The following PDE4D variants were observed in gnomAD, a reference collection of about 807,000 sequenced individuals.
The protein encoded by PDE4D is phosphodiesterase 4D.
Under a neutral mutation model 87.4 loss-of-function variants are expected in PDE4D, and 24 were observed. That is an observed-to-expected ratio of 0.27 (90% confidence interval 0.20 to 0.39). PDE4D has a LOEUF of 0.39. PDE4D is among the 10% of genes least tolerant of loss of function. PDE4D has a pLI of 1.00. For missense variants in PDE4D, 714 were observed against 1,041.0 expected, an observed-to-expected ratio of 0.69 and a Z score of 4.32; for synonymous variants, 384 against 383.2, an observed-to-expected ratio of 1.00 and a Z score of -0.02.
At chr5:60,003,738 A>G (rs1419672614) in intron 2 of PDE4D, among the ~76,000 whole-genome samples, 1 of 151,528 alleles carries the variant, frequency 6.6e-6, no homozygotes, top group Non-Finnish European at 1.5e-5. Flanking sequence ...GAAGAAGAAG[A>G]AGAACAAAGT....
chr5:59,239,381 T>C (rs541145975), intron 1 of PDE4D, among the ~76,000 whole-genome samples: 6 of 152,262 alleles, frequency 3.9e-5, no homozygotes, highest in Admixed American at 3.9e-4. Flanking sequence ...TTAGAGCTGA[T>C]ATACAAGAAC....
intron 1 of PDE4D, chr5:60,521,473 GAA>G (rs1751036901): frequency 6.6e-6 from 1 of 152,064 alleles, no homozygotes; most frequent in South Asian, 2.1e-4. Flanking sequence ...ATGGTACTGG[GAA>G]AAAGAGATCT....
upstream of PDE4D, chr5:59,893,790 A>G: frequency 7.5e-7 from 1 of 1,332,424 alleles, no homozygotes. Context: ...GGCTACCGAG[A>G]GGGGGCCCTG....
intron 5 of PDE4D, among the ~76,000 whole-genome samples, chr5:59,074,574 A>G (rs748705715): frequency 6.6e-6 from 1 of 152,168 alleles, no homozygotes; most frequent in Non-Finnish European, 1.5e-5. Context: ...CCTGGCCAAC[A>G]TGGTGAAACC....
At chr5:59,126,830 G>A (rs549476440) in intron 5 of PDE4D, among the ~76,000 whole-genome samples, 183 of 152,226 alleles carry the variant, frequency 1.2e-3, no homozygotes, top group African/African-American at 4.0e-3. Context: ...CATTAATGCC[G>A]TAAAATAAAG....
intron 1 of PDE4D, among the ~76,000 whole-genome samples, chr5:59,649,904 C>CTTGTTTTTTTTTTTTTTTTTTTT (rs1561402852): frequency 4.1e-5 from 3 of 73,976 alleles, no homozygotes; most frequent in African/African-American, 1.6e-4. Context: ...AGTTTGTGAA[C>CTTGTTTTTTTTTTTTTTTTTTTT]CTTTTTTTTT....
intron 5 of PDE4D, among the ~76,000 whole-genome samples, chr5:59,049,114 G>A (rs1761151326): frequency 6.6e-6 from 1 of 152,044 alleles, no homozygotes; most frequent in African/African-American, 2.4e-5. Context: ...ATCCAAGACT[G>A]CCCATCTTAG....
chr5:59,713,434 G>A (rs539989960), intron 1 of PDE4D, among the ~76,000 whole-genome samples: 18 of 152,220 alleles, frequency 1.2e-4, no homozygotes, highest in East Asian at 3.9e-4. Flanking sequence ...TATAACTACC[G>A]GACTGACACT....
chr5:60,207,734 C>T (rs1742715797), intron 1 of PDE4D, among the ~76,000 whole-genome samples: 1 of 152,138 alleles, frequency 6.6e-6, no homozygotes, highest in Admixed American at 6.5e-5. Flanking sequence ...AAATGAGATT[C>T]TGAGATTTAG....
intron 1 of PDE4D, among the ~76,000 whole-genome samples, chr5:59,705,738 C>T (rs1393407041): frequency 6.6e-6 from 1 of 152,132 alleles, no homozygotes; most frequent in Non-Finnish European, 1.5e-5. Flanking sequence ...GTACACAGCA[C>T]CCTATACATG....
Position 59,265,466 on chromosome 5 carries a change from T to C in PDE4D, c.456-49498A>G, listed in dbSNP as rs536512011. Among the ~76,000 whole-genome samples the C allele has an allele frequency of 3.3e-5, 5 of 152,148 alleles. No homozygotes were observed. In the South Asian group the frequency reaches 1.0e-3, roughly 32 times the overall value. On this transcript the variant is annotated intron_variant, in intron 1 of 14. Transcript: ENST00000340635. ...CTGACTGTGTTAAAAAAGACTACCTTATGGAAAAGAAACCCTTACAAAATG... is the reference window on the plus strand; with the variant it reads ...CTGACTGTGTTAAAAAAGACTACCTCATGGAAAAGAAACCCTTACAAAATG...
At chr5:60,033,678 G>T (rs996021991) in intron 2 of PDE4D, among the ~76,000 whole-genome samples, 1 of 152,180 alleles carries the variant, frequency 6.6e-6, no homozygotes, top group Non-Finnish European at 1.5e-5. Flanking sequence ...AGGATTTAGA[G>T]ATTCTACCCA....
At chr5:59,356,674 G>T in intron 1 of PDE4D, 1 of 1,084,316 alleles carries the variant, frequency 9.2e-7, no homozygotes, top group Non-Finnish European at 1.3e-6. Flanking sequence ...GAGTTAGAAG[G>T]TCAACATAGG....
At chr5:59,546,326 G>A (rs900160383) in intron 1 of PDE4D, among the ~76,000 whole-genome samples, 1 of 151,970 alleles carries the variant, frequency 6.6e-6, no homozygotes, top group African/African-American at 2.4e-5. Flanking sequence ...AGTGCGTTGC[G>A]CTCATCAAAA....
chr5:59,330,537 C>T (rs957460278), intron 1 of PDE4D, among the ~76,000 whole-genome samples: 1 of 152,170 alleles, frequency 6.6e-6, no homozygotes, highest in Admixed American at 6.5e-5. Flanking sequence ...CACGTATTCA[C>T]ACTCACATAC....
chr5:60,162,686 T>A (rs1782561393), intron 2 of PDE4D, among the ~76,000 whole-genome samples: 1 of 152,006 alleles, frequency 6.6e-6, no homozygotes, highest in East Asian at 1.9e-4. Context: ...GGGATAAACT[T>A]CAAGAACATG....
At chr5:60,146,322 T>C (rs968204439) in intron 2 of PDE4D, among the ~76,000 whole-genome samples, 6 of 152,240 alleles carry the variant, frequency 3.9e-5, no homozygotes, top group African/African-American at 1.4e-4. Context: ...TTGATCTATT[T>C]CTACATCGTG....
intron 1 of PDE4D, among the ~76,000 whole-genome samples, chr5:59,863,550 G>C (rs1304180071): frequency 1.3e-5 from 2 of 152,052 alleles, no homozygotes; most frequent in Non-Finnish European, 2.9e-5. Context: ...TCTCTATGAA[G>C]GCTAGTCAGT....
intron 1 of PDE4D, among the ~76,000 whole-genome samples, chr5:60,418,758 T>C (rs944187157): frequency 6.6e-6 from 1 of 152,120 alleles, no homozygotes; most frequent in African/African-American, 2.4e-5. Flanking sequence ...CTCGGTTATT[T>C]TTAATTGTAG....
Sources: allele counts gnomAD v4.1 joint callset (sites outside exome capture counted in the v4.1 genomes callset), GRCh38; gene constraint gnomAD v4.1.1; transcripts MANE v1.5; gene names NCBI Gene and HGNC (gene_info 2026-07-23, HGNC 2026-07-21).